PACRG: variants seen among roughly 807,000 people sequenced by gnomAD.
PACRG encodes the protein parkin coregulated gene protein.
PACRG carries 29 observed loss-of-function variants against 29.7 expected under a neutral mutation model. The ratio of observed to expected loss-of-function variants is 0.98; its 90% CI spans 0.73 to 1.33. PACRG has a LOEUF of 1.33. Among genes scored for constraint, PACRG ranks in the 40% most tolerant of loss-of-function variants. The pLI is 0.00. For synonymous variants in PACRG, 116 were observed against 118.7 expected, an observed-to-expected ratio of 0.98 and a Z score of 0.15; for missense variants, 279 against 316.2, an observed-to-expected ratio of 0.88 and a Z score of 0.89.
At chr6:163,305,383 A>C (rs1785160027) in intron 4 of PACRG, among the ~76,000 whole-genome samples, 1 of 152,182 alleles carries the variant, frequency 6.6e-6, no homozygotes, top group Non-Finnish European at 1.5e-5. Flanking sequence ...TATTCCTGCG[A>C]TCCCACAGTT....
intron 4 of PACRG, among the ~76,000 whole-genome samples, chr6:163,264,417 C>T (rs984005863): frequency 6.6e-6 from 1 of 152,222 alleles, no homozygotes; most frequent in Non-Finnish European, 1.5e-5. Context: ...CTGGGCTAGT[C>T]ACACTGTGCT....
intron 2 of PACRG, among the ~76,000 whole-genome samples, chr6:163,009,898 ATAC>A (rs1322997472): frequency 2.0e-5 from 3 of 152,256 alleles, no homozygotes; most frequent in Admixed American, 2.0e-4. Context: ...CATTGATTAA[ATAC>A]TCATATCTTC....
intron 4 of PACRG, among the ~76,000 whole-genome samples, chr6:163,112,899 A>G (rs146868218): frequency 5.9e-5 from 9 of 152,342 alleles, no homozygotes; most frequent in African/African-American, 1.9e-4. Context: ...ATCAATGGAA[A>G]CTGTCCCTAA....
intron 4 of PACRG, chr6:163,166,007 T>C (rs911890630): frequency 2.3e-5 from 10 of 432,484 alleles, no homozygotes; most frequent in Non-Finnish European, 4.7e-5. Flanking sequence ...TTTGAAATCT[T>C]CACTGGTTTG....
intron 4 of PACRG, among the ~76,000 whole-genome samples, chr6:163,162,769 C>A (rs539088208): frequency 6.6e-6 from 1 of 152,340 alleles, no homozygotes; most frequent in South Asian, 2.1e-4. Flanking sequence ...CCCACTGGGT[C>A]CAGCCCCCAG....
chr6:163,070,866 C>T, intron 3 of PACRG, among the ~76,000 whole-genome samples: 1 of 151,566 alleles, frequency 6.6e-6, no homozygotes, highest in South Asian at 2.1e-4. Context: ...AAAAGATATT[C>T]CATGCCAATG....
chr6:162,932,748 A>G (rs1172018220), intron 2 of PACRG, among the ~76,000 whole-genome samples: 4 of 151,566 alleles, frequency 2.6e-5, no homozygotes, highest in Non-Finnish European at 5.9e-5. Context: ...TTCTAATTTT[A>G]CTTATTTGGC....
chr6:163,190,774 C>G, intron 4 of PACRG: 4 of 312,970 alleles, frequency 1.3e-5, no homozygotes, highest in South Asian at 1.2e-4. Flanking sequence ...AAAGCCCACT[C>G]AAATGTTCTG....
chr6:162,739,952 G>T (rs573009468), intron 1 of PACRG, among the ~76,000 whole-genome samples: 14 of 148,872 alleles, frequency 9.4e-5, no homozygotes, highest in Non-Finnish European at 2.1e-4. Context: ...CACATACATT[G>T]TTAATTATTT....
chr6:163,186,554 T>A (rs1188801885), intron 4 of PACRG, among the ~76,000 whole-genome samples: 1 of 152,116 alleles, frequency 6.6e-6, no homozygotes, highest in Non-Finnish European at 1.5e-5. Context: ...TCTCCCAACT[T>A]AGATTCTTAC....
chr6:163,156,351 G>T (rs1778314651), intron 4 of PACRG, among the ~76,000 whole-genome samples: 1 of 152,028 alleles, frequency 6.6e-6, no homozygotes, highest in South Asian at 2.1e-4. Flanking sequence ...GTCCTACATC[G>T]CTTCTCCATC....
At chr6:163,204,458 A>G (rs1247337401) in intron 4 of PACRG, among the ~76,000 whole-genome samples, 2 of 152,128 alleles carry the variant, frequency 1.3e-5, no homozygotes, top group Admixed American at 1.3e-4. Context: ...ACACTGACAG[A>G]GATGAAACAC....
chr6:162,893,726 C>A (rs1008796447), intron 2 of PACRG, among the ~76,000 whole-genome samples: 1 of 152,158 alleles, frequency 6.6e-6, no homozygotes, highest in African/African-American at 2.4e-5. Context: ...CTATGCAGAT[C>A]GAAAACAGAG....
At chr6:163,113,554 T>G (rs1276664555) in intron 4 of PACRG, among the ~76,000 whole-genome samples, 1 of 152,156 alleles carries the variant, frequency 6.6e-6, no homozygotes, top group African/African-American at 2.4e-5. Context: ...TGACTTCTCA[T>G]TAGAAACTAT....
intron 1 of PACRG, among the ~76,000 whole-genome samples, chr6:162,770,861 T>C (rs899069457): frequency 6.6e-6 from 1 of 152,182 alleles, no homozygotes; most frequent in African/African-American, 2.4e-5. Flanking sequence ...AAGATAAAGA[T>C]TTGACTACCT....
intron 2 of PACRG, among the ~76,000 whole-genome samples, chr6:162,881,961 T>G (rs117715631): frequency 4.0e-3 from 237 of 59,938 alleles, no homozygotes; most frequent in East Asian, 4.8e-3. Context: ...CAGAGATGGG[T>G]GGGGGGGGGC....
At chr6:163,021,123 C>A (rs1416010779) in intron 2 of PACRG, among the ~76,000 whole-genome samples, 3 of 152,182 alleles carry the variant, frequency 2.0e-5, no homozygotes, top group Admixed American at 1.3e-4. Context: ...AGCCCAGATT[C>A]TCTCCCAAGT....
intron 4 of PACRG, among the ~76,000 whole-genome samples, chr6:163,255,182 G>C (rs1562341508): frequency 6.6e-6 from 1 of 152,204 alleles, no homozygotes; most frequent in East Asian, 1.9e-4. Context: ...GTTCTGTGCT[G>C]TCTACATAGA....
chr6:162,787,414 T>G (rs914566265), intron 1 of PACRG, among the ~76,000 whole-genome samples: 2 of 151,134 alleles, frequency 1.3e-5, no homozygotes, highest in African/African-American at 4.9e-5. Context: ...CACATATATG[T>G]GTAGGCATAT....
Sources: allele counts gnomAD v4.1 joint callset (sites outside exome capture counted in the v4.1 genomes callset), GRCh38; gene constraint gnomAD v4.1.1; transcripts MANE v1.5; gene names NCBI Gene and HGNC (gene_info 2026-07-23, HGNC 2026-07-21).